The following CA5A variants were observed in gnomAD, a reference collection of about 807,000 sequenced individuals.
CA5A encodes carbonic anhydrase 5A, also known as carbonic anhydrase 5A, mitochondrial.
A neutral mutation model predicts 37.1 loss-of-function variants in CA5A; 28 were observed. That is an observed-to-expected ratio of 0.75 (90% CI 0.56 to 1.03). CA5A has a LOEUF of 1.03. CA5A is among the 50% of genes least tolerant of loss of function. The pLI, the probability that CA5A is intolerant of heterozygous loss-of-function variation, is 0.00. For missense variants in CA5A, 444 were observed against 399.9 expected, an observed-to-expected ratio of 1.11 and a Z score of -0.94; for synonymous variants, 171 against 158.4, an observed-to-expected ratio of 1.08 and a Z score of -0.60.
intron 2 of CA5A, among the ~76,000 whole-genome samples, chr16:87,919,095 T>C (rs1332837870): frequency 6.6e-6 from 1 of 152,018 alleles, no homozygotes; most frequent in Non-Finnish European, 1.5e-5. Context: ...AGGGCCTAGA[T>C]CCTTTAAGCA....
rs903969951 is a variant in CA5A, at chr16:87,891,906, T to C, written c.667A>G (p.Thr223Ala). ...GCGTAGGTCCAGTAATCCCAGCAGG[T>C]GGGCAGCAGAGTGGAGGGGTCGAAG... ...RPFDPSTLLP[T>A]CWDYWTYAGS... Residue 223 changes from threonine (T) to alanine (A), a missense_variant, in exon 6 of 7, where the codon ACC (threonine) becomes GCC (alanine). Coordinates refer to ENST00000649794, the MANE Select transcript of CA5A (RefSeq NM_001739.2). 6 of 1,567,576 alleles carry C rather than the reference T, an allele frequency of 3.8e-6. No homozygotes were observed. The highest frequency in any genetic ancestry group is 1.4e-5 in the African/African-American group (1 of 72,838).
At chr16:87,883,514 T>C (rs2055625357), downstream of CA5A, 5 of 149,740 alleles carry the variant, frequency 3.3e-5, no homozygotes, top group Admixed American at 3.3e-4. Flanking sequence ...GTATTTTTAG[T>C]AGAGACGGGG....
intron 2 of CA5A, among the ~76,000 whole-genome samples, chr16:87,917,615 G>GCA (rs113316539): frequency 1.3e-5 from 2 of 150,730 alleles, no homozygotes; most frequent in African/African-American, 4.9e-5. Flanking sequence ...CCACACATGT[G>GCA]CACACACAAA....
At chr16:87,914,705 G>A (rs1054273831) in intron 2 of CA5A, among the ~76,000 whole-genome samples, 7 of 152,138 alleles carry the variant, frequency 4.6e-5, no homozygotes, top group African/African-American at 1.7e-4. Flanking sequence ...GGAGGACGTG[G>A]GGGCGGGCGC....
At chr16:87,931,813 G>A (rs1036976322) in intron 1 of CA5A, among the ~76,000 whole-genome samples, 2 of 152,240 alleles carry the variant, frequency 1.3e-5, no homozygotes, top group African/African-American at 2.4e-5. Flanking sequence ...TCTCTCTCAC[G>A]CGATAGACAA....
downstream of CA5A, chr16:87,886,838 C>T (rs2055652327): frequency 6.6e-6 from 1 of 152,206 alleles, no homozygotes; most frequent in South Asian, 2.1e-4. Context: ...TATTCTTTTT[C>T]ATTGGTTGAT....
intron 2 of CA5A, among the ~76,000 whole-genome samples, chr16:87,906,750 C>T (rs1316309467): frequency 2.0e-5 from 3 of 152,186 alleles, no homozygotes; most frequent in Non-Finnish European, 4.4e-5. Flanking sequence ...TGCTCACTGC[C>T]CCTCTTCACT....
intron 2 of CA5A, among the ~76,000 whole-genome samples, chr16:87,906,849 A>G (rs1300252709): frequency 6.6e-6 from 1 of 152,162 alleles, no homozygotes; most frequent in African/African-American, 2.4e-5. Context: ...ATTCTCCTTA[A>G]ACATACACAG....
intron 2 of CA5A, among the ~76,000 whole-genome samples, chr16:87,918,440 C>A (rs903084353): frequency 2.0e-5 from 3 of 147,108 alleles, no homozygotes; most frequent in African/African-American, 7.7e-5. Flanking sequence ...AGGCCATACA[C>A]GCTCCCTGGA....
At chr16:87,921,567 G>A (rs1318220408) in intron 2 of CA5A, among the ~76,000 whole-genome samples, 4 of 152,242 alleles carry the variant, frequency 2.6e-5, no homozygotes, top group Admixed American at 6.5e-5. Context: ...GCTGCAGCCA[G>A]TGACAGGGCT....
At chr16:87,907,910 G>C (rs1320234357) in intron 2 of CA5A, among the ~76,000 whole-genome samples, 1 of 152,216 alleles carries the variant, frequency 6.6e-6, no homozygotes, top group Admixed American at 6.5e-5. Flanking sequence ...TGGGCAACAA[G>C]AGTGAAACTC....
chr16:87,903,967 A>G (rs114520742), intron 3 of CA5A, among the ~76,000 whole-genome samples: 3,508 of 152,302 alleles, frequency 0.023, 41 homozygotes, highest in African/African-American at 0.036. Flanking sequence ...CAAAAAAACT[A>G]CAAAAACCAA....
intron 1 of CA5A, among the ~76,000 whole-genome samples, chr16:87,930,907 A>G (rs1041003786): frequency 6.7e-6 from 1 of 149,868 alleles, no homozygotes; most frequent in African/African-American, 2.5e-5. Flanking sequence ...CGCCTGGGGA[A>G]TTTTTGTATT....
intron 2 of CA5A, among the ~76,000 whole-genome samples, chr16:87,908,153 G>A (rs574578364): frequency 6.6e-6 from 1 of 152,234 alleles, no homozygotes; most frequent in Non-Finnish European, 1.5e-5. Flanking sequence ...TCCCACGGCA[G>A]TTGGGGAACC....
rs143308444 is a variant in CA5A, at chr16:87,933,208, C to T, written c.142+3101G>A. On this transcript the variant is annotated intron_variant, in intron 1 of 6. Transcript: ENST00000649794. Reference sequence around the variant, plus strand: ...GTTGAGGTTTAATAAGCCGTTCTCCCAGGAATTTAGAATCTTTGATTTCTA... The same window carrying T: ...GTTGAGGTTTAATAAGCCGTTCTCCTAGGAATTTAGAATCTTTGATTTCTA... Among the ~76,000 whole-genome samples the T allele has an allele frequency of 4.3e-3, 652 of 152,314 alleles. 5 individuals carry two copies. Among genetic ancestry groups the T allele is most frequent in the African/African-American group, 0.015 (626 of 41,568 alleles).
intron 6 of CA5A, among the ~76,000 whole-genome samples, chr16:87,888,690 G>C (rs8055474): frequency 6.6e-6 from 1 of 152,114 alleles, no homozygotes; most frequent in Non-Finnish European, 1.5e-5. Context: ...ATGAAAGATG[G>C]TAAGCCAGAG....
intron 5 of CA5A, chr16:87,892,865 A>G (rs541232208): frequency 1.2e-5 from 5 of 403,766 alleles, no homozygotes; most frequent in Admixed American, 4.2e-5. Flanking sequence ...CATGTTAGCC[A>G]GGCTGGTCTT....
chr16:87,892,075 C>T, intron 5 of CA5A, 121 bp from the exon 6 acceptor site: 1 of 829,304 alleles, frequency 1.2e-6, no homozygotes, highest in Non-Finnish European at 1.8e-6. Flanking sequence ...CAGATAAGGC[C>T]ATGAGGCCAC....
At chr16:87,901,543 A>C (rs1350236577) in intron 5 of CA5A, among the ~76,000 whole-genome samples, 1 of 151,470 alleles carries the variant, frequency 6.6e-6, no homozygotes, top group Non-Finnish European at 1.5e-5. Flanking sequence ...GAATCGCTGC[A>C]CTAAACAATT....
Sources: gnomAD v4.1 joint callset for allele counts (sites outside exome capture counted in the v4.1 genomes callset) on GRCh38, gnomAD v4.1.1 for gene constraint, MANE v1.5 for transcripts, NCBI Gene and HGNC (gene_info 2026-07-23, HGNC 2026-07-21) for gene names.